ZC3H18: variants seen among roughly 807,000 people sequenced by gnomAD.
ZC3H18 encodes zinc finger CCCH-type containing 18, also known as zinc finger CCCH domain-containing protein 18.
A neutral mutation model predicts 106.1 loss-of-function variants in ZC3H18; 8 were observed. The ratio of observed to expected loss-of-function variants is 0.08; its 90% CI spans 0.04 to 0.14. ZC3H18 has a LOEUF of 0.14. ZC3H18 is among the 10% of genes least tolerant of loss of function. ZC3H18 has a pLI of 1.00. For synonymous variants in ZC3H18, 635 were observed against 522.1 expected, an observed-to-expected ratio of 1.22 and a Z score of -2.95; for missense variants, 1,318 against 1,278.4, an observed-to-expected ratio of 1.03 and a Z score of -0.47.
chr16:88,594,846 G>C (rs1904345981), intron 3 of ZC3H18, among the ~76,000 whole-genome samples: 1 of 152,194 alleles, frequency 6.6e-6, no homozygotes, highest in South Asian at 2.1e-4. Context: ...CAAGCGTAAA[G>C]ATTAATAAGA....
At chr16:88,574,135 A>C (rs1213005059) in intron 1 of ZC3H18, among the ~76,000 whole-genome samples, 3 of 152,056 alleles carry the variant, frequency 2.0e-5, no homozygotes, top group African/African-American at 2.4e-5. Flanking sequence ...TCAGTCTTCC[A>C]AAGTGCTGGG....
chr16:88,598,803 G>C (rs1297051099), intron 5 of ZC3H18, 91 bp downstream of exon 5: 20 of 1,192,166 alleles, frequency 1.7e-5, no homozygotes, highest in Non-Finnish European at 3.6e-6. Flanking sequence ...TCCAGAGAGA[G>C]CCCCAGAAAT....
chr16:88,622,029 G>A (rs999161961), intron 8 of ZC3H18, among the ~76,000 whole-genome samples, 168 bp from the exon 9 acceptor site: 1 of 152,200 alleles, frequency 6.6e-6, no homozygotes, highest in Non-Finnish European at 1.5e-5. Context: ...AGTCCATGGG[G>A]TGATGGGTTT....
At chr16:88,601,947 A>G (rs1567587941) in intron 6 of ZC3H18, among the ~76,000 whole-genome samples, 1 of 152,184 alleles carries the variant, frequency 6.6e-6, no homozygotes, top group East Asian at 1.9e-4. Context: ...CCCCCCTATG[A>G]TTGTCACAAA....
chr16:88,574,931 G>T (rs1050380846), intron 1 of ZC3H18, among the ~76,000 whole-genome samples: 2 of 150,242 alleles, frequency 1.3e-5, no homozygotes, highest in African/African-American at 4.9e-5. Flanking sequence ...CTGGGTTCAC[G>T]CCATTCTCCT....
intron 3 of ZC3H18, among the ~76,000 whole-genome samples, chr16:88,594,415 A>G (rs933610551): frequency 6.6e-6 from 1 of 152,220 alleles, no homozygotes; most frequent in Non-Finnish European, 1.5e-5. Context: ...ATCAGAAGAG[A>G]CATTTAAAGA....
chr16:88,610,821 C>T (rs993339550), intron 7 of ZC3H18, among the ~76,000 whole-genome samples: 1 of 152,244 alleles, frequency 6.6e-6, no homozygotes. Flanking sequence ...CTGGAACTCC[C>T]GTCTCTGGAT....
intron 3 of ZC3H18, among the ~76,000 whole-genome samples, chr16:88,595,266 AGTGGAGG>A (rs1278828396): frequency 6.6e-6 from 1 of 152,214 alleles, no homozygotes; most frequent in Non-Finnish European, 1.5e-5. Flanking sequence ...ACATTTCAGC[AGTGGAGG>A]GGCCGCCTCC....
chr16:88,572,110 C>A (rs987356668), intron 1 of ZC3H18, among the ~76,000 whole-genome samples: 18 of 152,228 alleles, frequency 1.2e-4, no homozygotes, highest in African/African-American at 3.9e-4. Flanking sequence ...CTCTGACTTG[C>A]AGCACTTTAT....
intron 2 of ZC3H18, among the ~76,000 whole-genome samples, chr16:88,580,458 A>T (rs533215246): frequency 1.3e-5 from 2 of 152,278 alleles, no homozygotes; most frequent in East Asian, 3.9e-4. Context: ...GAGCAGCATC[A>T]GCCCTCCACC....
At chr16:88,598,373 C>T (rs1465655523) in intron 4 of ZC3H18, 47 bp downstream of exon 4, 1 of 1,563,908 alleles carries the variant, frequency 6.4e-7, no homozygotes. Context: ...GCCAACTGAG[C>T]TGTGTCTGAA....
At chr16:88,600,246 C>T (rs1001671632) in intron 6 of ZC3H18, among the ~76,000 whole-genome samples, 2 of 152,196 alleles carry the variant, frequency 1.3e-5, no homozygotes, top group Admixed American at 6.5e-5. Flanking sequence ...CTCTAGAGCC[C>T]CACAAGTCTG....
chr16:88,615,768 C>A (rs535142472), intron 8 of ZC3H18, among the ~76,000 whole-genome samples: 1 of 152,202 alleles, frequency 6.6e-6, no homozygotes, highest in Non-Finnish European at 1.5e-5. Flanking sequence ...GGCACACGTG[C>A]CTGGCCACAG....
rs1241301584 is a variant in ZC3H18, at chr16:88,577,095, TTC to T, written c.-14-9_-14-8del. The T allele has an allele frequency of 1.3e-6, 2 of 1,509,680 alleles. No homozygotes were observed. Among genetic ancestry groups the T allele is most frequent in the African/African-American group, 2.8e-5 (2 of 71,358 alleles). The allele number at this position is 1,509,680 out of a possible 1,614,324, so 93.5% of individuals were successfully genotyped here. On this transcript the variant is annotated splice_polypyrimidine_tract_variant and intron_variant, in intron 1 of 17. Coordinates refer to ENST00000301011, the MANE Select transcript of ZC3H18 (RefSeq NM_144604.4). Reference sequence around the variant, plus strand: ...TTTTGCTAAAGGCTGTCAATCTGTATTCTCTCTTTTGCAGAACCGTGGGTACC... The same window carrying T: ...TTTTGCTAAAGGCTGTCAATCTGTATTCTCTTTTGCAGAACCGTGGGTACC...
intron 6 of ZC3H18, among the ~76,000 whole-genome samples, chr16:88,606,414 C>T (rs1004374494): frequency 4.6e-5 from 7 of 152,360 alleles, no homozygotes; most frequent in East Asian, 3.9e-4. Flanking sequence ...CGCTCATCCA[C>T]GACTTCCAGA....
intron 1 of ZC3H18, among the ~76,000 whole-genome samples, chr16:88,571,090 A>G (rs1235235526): frequency 1.3e-5 from 2 of 152,194 alleles, no homozygotes; most frequent in Non-Finnish European, 2.9e-5. Context: ...AGGAGTATGT[A>G]ACTTCCTTGC....
chr16:88,586,476 G>A lies in ZC3H18; in HGVS notation c.604-124G>A, dbSNP rs112504149. ...GGGACCTAAGATTTGGAAAATTGAC[G>A]TGAATTCAATTCCTGTGACAATATC... On this transcript the variant is annotated intron_variant, in intron 2 of 17. Coordinates refer to ENST00000301011, the MANE Select transcript of ZC3H18 (RefSeq NM_144604.4). 2.8e-4 allele frequency: 228 copies of A among 800,890 alleles called. 1 individual carries two copies. Among genetic ancestry groups the A allele is most frequent in the African/African-American group, 2.7e-3 (157 of 58,794 alleles). The allele number at this position is 800,890 out of a possible 1,614,324, so 49.6% of individuals were successfully genotyped here.
At chr16:88,586,325 A>T (rs140188156) in intron 2 of ZC3H18, among the ~76,000 whole-genome samples, 1 of 152,344 alleles carries the variant, frequency 6.6e-6, no homozygotes, top group Non-Finnish European at 1.5e-5. Flanking sequence ...GTTGATAGTT[A>T]AGAGAAATGT....
At position 88,604,234 on chromosome 16, in the gene ZC3H18, C is replaced by G. The variant is rs113033570; in HGVS notation, c.1088+4286C>G. Among the ~76,000 whole-genome samples the G allele has an allele frequency of 7.3e-4, 111 of 152,128 alleles. 1 individual carries two copies. Among genetic ancestry groups the G allele is most frequent in the African/African-American group, 2.6e-3 (106 of 41,502 alleles). On this transcript the variant is annotated intron_variant, in intron 6 of 17. Transcript: ENST00000301011. ...GGGCATGGTGGCACGCACCTGTAGT[C>G]CCAGCTACTCAAGAGTCTGAGGTGG... is the stretch of plus-strand genomic sequence containing the variant.
Sources: gnomAD v4.1 joint callset for allele counts (sites outside exome capture counted in the v4.1 genomes callset) on GRCh38, gnomAD v4.1.1 for gene constraint, MANE v1.5 for transcripts, NCBI Gene and HGNC (gene_info 2026-07-23, HGNC 2026-07-21) for gene names.